Variants in RYR2 observed in about 807,000 individuals in gnomAD.
The protein encoded by RYR2 is ryanodine receptor 2.
Under a neutral mutation model 601.1 loss-of-function variants are expected in RYR2, and 227 were observed. That is an observed-to-expected ratio of 0.38 (90% CI 0.34 to 0.42). RYR2 has a LOEUF of 0.42. RYR2 is among the 10% of genes least tolerant of loss of function. The pLI is 1.00. For missense variants in RYR2, 4,646 were observed against 6,156.5 expected, an observed-to-expected ratio of 0.75 and a Z score of 8.21; for synonymous variants, 2,223 against 2,175.1, an observed-to-expected ratio of 1.02 and a Z score of -0.61.
At chr1:237,660,702 C>T (rs971729811) in intron 55 of RYR2, 108 bp from the exon 56 acceptor site, 2 of 915,704 alleles carry the variant, frequency 2.2e-6, no homozygotes, top group Non-Finnish European at 1.6e-6. Flanking sequence ...AAGCTATGCT[C>T]ATCAAATTTT....
At position 237,042,458 on chromosome 1, in the gene RYR2, G is replaced by GGCCGCC. The variant is rs794728699; in HGVS notation, c.-53_-48dup. 8.1e-6 allele frequency: 10 copies of GGCCGCC among 1,227,992 alleles called. No homozygotes were observed. Among genetic ancestry groups the GGCCGCC allele is most frequent in the African/African-American group, 3.1e-5 (2 of 63,750 alleles). 76.1% of individuals were successfully genotyped at this position (1,227,992 alleles called of 1,614,324 possible). A position where few individuals can be genotyped will look rare whatever the true frequency, so the allele number is the denominator to read the frequency against. On this transcript the variant is annotated 5_prime_UTR_variant, in exon 1 of 105. Coordinates refer to ENST00000366574, the MANE Select transcript of RYR2 (RefSeq NM_001035.3). The stretch of plus-strand genomic sequence containing the variant: ...AGCAGAAGCAGAAGGCAGCGCCAGG[G>GGCCGCC]GCCGCCGCCGCCGCCGAGCTCCGCG...
intron 1 of RYR2, among the ~76,000 whole-genome samples, chr1:237,215,324 C>T (rs1163821003): frequency 6.6e-6 from 1 of 152,044 alleles, no homozygotes; most frequent in Non-Finnish European, 1.5e-5. Context: ...ACGCTCCAGG[C>T]ATATAGGAAA....
At chr1:237,588,133 C>A (rs891162461) in intron 29 of RYR2, among the ~76,000 whole-genome samples, 1 of 152,078 alleles carries the variant, frequency 6.6e-6, no homozygotes, top group African/African-American at 2.4e-5. Flanking sequence ...GATACAGCTG[C>A]AATTTTTTTT....
intron 65 of RYR2, among the ~76,000 whole-genome samples, chr1:237,701,494 A>G (rs949807620): frequency 1.3e-5 from 2 of 151,742 alleles, no homozygotes; most frequent in Non-Finnish European, 2.9e-5. Flanking sequence ...TTGCCACTGC[A>G]CTCCAGCCTG....
At chr1:237,371,782 C>T (rs1487254345) in intron 6 of RYR2, among the ~76,000 whole-genome samples, 1 of 152,130 alleles carries the variant, frequency 6.6e-6, no homozygotes, top group Non-Finnish European at 1.5e-5. Flanking sequence ...TCATTCTCAG[C>T]AAACTATCGC....
rs540711410 is a variant in RYR2 at position 237,155,521 on chromosome 1, G to T, written c.48+112952G>T. Among the ~76,000 whole-genome samples the T allele has an allele frequency of 5.9e-5, 9 of 152,240 alleles. No individual in the cohort carries two copies. The South Asian group carries it at 1.9e-3, about 32-fold the overall frequency. Reference sequence around the variant, plus strand: ...TTAGATTCCATTTTGGAATTTTATTGAGCGGAAAGGATAGATGATTTGATT... The same window carrying T: ...TTAGATTCCATTTTGGAATTTTATTTAGCGGAAAGGATAGATGATTTGATT... On this transcript the variant is annotated intron_variant, in intron 1 of 104. Transcript: ENST00000366574.
chr1:237,492,211 T>C (rs757705054), intron 18 of RYR2, among the ~76,000 whole-genome samples: 44 of 152,300 alleles, frequency 2.9e-4, no homozygotes, highest in Admixed American at 2.0e-4. Context: ...TTTGTATTTT[T>C]AGTAGAGACA....
intron 38 of RYR2, 43 bp downstream of exon 38, chr1:237,617,529 T>G: frequency 6.3e-7 from 1 of 1,588,984 alleles, no homozygotes; most frequent in Non-Finnish European, 8.6e-7. Context: ...ATGTTGGCTT[T>G]TAGTCATTCA....
chr1:237,269,001 T>C (rs1255222232), intron 1 of RYR2, among the ~76,000 whole-genome samples: 1 of 137,308 alleles, frequency 7.3e-6, no homozygotes, highest in Non-Finnish European at 1.6e-5. Flanking sequence ...GGATTTTAAA[T>C]ACAAATTAGA....
intron 12 of RYR2, 132 bp from the exon 13 acceptor site, chr1:237,441,187 T>C: frequency 1.4e-6 from 1 of 733,872 alleles, no homozygotes. Context: ...GTAAAATATT[T>C]GGCCATTATT....
At chr1:237,480,109 G>C (rs1322602120) in intron 17 of RYR2, among the ~76,000 whole-genome samples, 1 of 152,088 alleles carries the variant, frequency 6.6e-6, no homozygotes, top group East Asian at 1.9e-4. Flanking sequence ...CCAGAACCAT[G>C]ATTGTTAACA....
intron 1 of RYR2, among the ~76,000 whole-genome samples, chr1:237,211,857 G>T (rs618083): frequency 0.4 from 60,844 of 152,014 alleles, 13,320 homozygotes; most frequent in Admixed American, 0.5. Context: ...GAGGATGGTT[G>T]ATAAGTAGGA....
chr1:237,760,871 T>A, intron 83 of RYR2, 84 bp from the exon 84 acceptor site: 1 of 805,682 alleles, frequency 1.2e-6, no homozygotes, highest in Non-Finnish European at 2.1e-6. Context: ...TTCCAAGATA[T>A]ATGGTGTTTA....
intron 1 of RYR2, among the ~76,000 whole-genome samples, chr1:237,189,332 T>G (rs945352421): frequency 6.6e-6 from 1 of 152,240 alleles, no homozygotes; most frequent in Non-Finnish European, 1.5e-5. Context: ...GCTTCCACCT[T>G]TTAGCTATTG....
intron 1 of RYR2, among the ~76,000 whole-genome samples, chr1:237,201,341 A>G (rs554930169): frequency 6.6e-6 from 1 of 152,328 alleles, no homozygotes; most frequent in South Asian, 2.1e-4. Context: ...CTCGACGGCT[A>G]TCTGCTTTTG....
At chr1:237,511,190 A>G (rs1665857158) in intron 23 of RYR2, among the ~76,000 whole-genome samples, 1 of 152,244 alleles carries the variant, frequency 6.6e-6, no homozygotes, top group South Asian at 2.1e-4. Context: ...GGACACATCA[A>G]AGAACAAAAG....
intron 1 of RYR2, among the ~76,000 whole-genome samples, chr1:237,261,053 C>T (rs865979072): frequency 6.6e-6 from 1 of 152,192 alleles, no homozygotes. Flanking sequence ...GCATAGATAA[C>T]ATTTTATTTG....
chr1:237,732,772 A>T (rs113166833), intron 78 of RYR2, among the ~76,000 whole-genome samples: 9 of 152,320 alleles, frequency 5.9e-5, no homozygotes, highest in African/African-American at 2.2e-4. Context: ...AGGGCAATGC[A>T]TAAATTGGCT....
chr1:237,054,197 C>T (rs1458841109), intron 1 of RYR2, among the ~76,000 whole-genome samples: 2 of 149,556 alleles, frequency 1.3e-5, no homozygotes, highest in African/African-American at 2.5e-5. Context: ...CCCTTCTTCC[C>T]TTCTTTCCTC....
Sources: allele counts gnomAD v4.1 joint callset (sites outside exome capture counted in the v4.1 genomes callset), GRCh38; gene constraint gnomAD v4.1.1; transcripts MANE v1.5; gene names NCBI Gene and HGNC (gene_info 2026-07-23, HGNC 2026-07-21).